The following OPRM1 variants were observed in gnomAD, a reference collection of about 807,000 sequenced individuals.
The protein encoded by OPRM1 is mu-type opioid receptor.
In OPRM1, 27 loss-of-function variants were observed where a neutral mutation model predicts 31.8. The ratio of observed to expected loss-of-function variants is 0.85; its 90% CI spans 0.63 to 1.17. The LOEUF is 1.17. Among genes scored for constraint, OPRM1 ranks in the 50% most tolerant of loss-of-function variants. OPRM1 has a pLI of 0.00. For synonymous variants in OPRM1, 196 were observed against 189.9 expected, an observed-to-expected ratio of 1.03 and a Z score of -0.26; for missense variants, 536 against 511.1, an observed-to-expected ratio of 1.05 and a Z score of -0.47.
At chr6:154,059,102 G>T (rs1783904827) in intron 1 of OPRM1, among the ~76,000 whole-genome samples, 1 of 152,136 alleles carries the variant, frequency 6.6e-6, no homozygotes, top group Admixed American at 6.5e-5. Flanking sequence ...TTACTTTCCA[G>T]AATTGTTCCC....
intron 3 of OPRM1, 100 bp from the exon 4 acceptor site, chr6:154,118,583 A>G: frequency 2.8e-6 from 3 of 1,058,182 alleles, no homozygotes; most frequent in Non-Finnish European, 4.3e-6. Context: ...GTATACATGA[A>G]GGTCTTCAAT....
At chr6:154,058,584 G>T (rs1425012100) in intron 1 of OPRM1, among the ~76,000 whole-genome samples, 1 of 151,934 alleles carries the variant, frequency 6.6e-6, no homozygotes, top group African/African-American at 2.4e-5. Context: ...GCTTAATCTG[G>T]GCTCATATTC....
At chr6:154,215,256 A>G (rs1278146357) in intron 3 of OPRM1, among the ~76,000 whole-genome samples, 1 of 151,884 alleles carries the variant, frequency 6.6e-6, no homozygotes, top group East Asian at 1.9e-4. Context: ...AGGAATCCTT[A>G]CGCAACCCTC....
chr6:154,115,929 G>A (rs1796829932), intron 3 of OPRM1, among the ~76,000 whole-genome samples: 1 of 152,214 alleles, frequency 6.6e-6, no homozygotes, highest in Admixed American at 6.5e-5. Flanking sequence ...CTCCTGTTTA[G>A]TAGGCATGCC....
At chr6:154,029,639 G>A (rs1311056826) in intron 1 of OPRM1, among the ~76,000 whole-genome samples, 1 of 152,146 alleles carries the variant, frequency 6.6e-6, no homozygotes, top group Non-Finnish European at 1.5e-5. Context: ...AACATATGTT[G>A]GATGATATGG....
In OPRM1 at chr6:154,119,470, T is replaced by C; in HGVS notation, c.*749T>C. 2 of 984,718 alleles carry C rather than the reference T, an allele frequency of 2.0e-6. No individual in the cohort carries two copies. Among genetic ancestry groups the C allele is most frequent in the Non-Finnish European group, 2.4e-6 (2 of 829,286 alleles). The allele number at this position is 984,718 out of a possible 1,614,324, so 61.0% of individuals were successfully genotyped here. On this transcript the variant is annotated 3_prime_UTR_variant, in exon 4 of 4. Transcript: ENST00000330432. ...CAGTGGTTTGTTCCTCAGTTTTAAA[T>C]GTGCAATTTTCTTGCTCCTATTTAA...
intron 1 of OPRM1, among the ~76,000 whole-genome samples, chr6:154,084,917 A>AACACACACACACAC (rs71669485): frequency 4.8e-5 from 7 of 146,398 alleles, no homozygotes; most frequent in African/African-American, 1.5e-4. Flanking sequence ...TGTGGAATTA[A>AACACACACACACAC]ACACACACAC....
intron 3 of OPRM1, among the ~76,000 whole-genome samples, chr6:154,175,571 G>T (rs1434387346): frequency 6.6e-6 from 1 of 152,046 alleles, no homozygotes; most frequent in Non-Finnish European, 1.5e-5. Context: ...AGAAAATCTA[G>T]AAGAAACTGA....
At chr6:154,054,720 A>T (rs1782895794) in intron 1 of OPRM1, among the ~76,000 whole-genome samples, 1 of 152,250 alleles carries the variant, frequency 6.6e-6, no homozygotes, top group Non-Finnish European at 1.5e-5. Context: ...GAGTAGGCAT[A>T]GTGGAGTAGA....
At chr6:154,228,033 G>C (rs1779403345) in intron 3 of OPRM1, among the ~76,000 whole-genome samples, 1 of 151,920 alleles carries the variant, frequency 6.6e-6, no homozygotes, top group Non-Finnish European at 1.5e-5. Flanking sequence ...GGCAAATCTT[G>C]AGAGAATGAC....
intron 3 of OPRM1, among the ~76,000 whole-genome samples, chr6:154,147,316 T>C (rs1583655517): frequency 6.6e-6 from 1 of 152,224 alleles, no homozygotes; most frequent in Admixed American, 6.5e-5. Context: ...GGAACTGTCA[T>C]GATTTCTGGA....
intron 3 of OPRM1, chr6:154,156,314 C>G (rs1297165210): frequency 6.6e-6 from 1 of 152,232 alleles, no homozygotes; most frequent in Non-Finnish European, 1.5e-5. Context: ...ATGCTAAGCC[C>G]AGTGCAATGA....
intron 1 of OPRM1, among the ~76,000 whole-genome samples, chr6:154,077,300 T>C (rs1788064105): frequency 6.6e-6 from 1 of 151,998 alleles, no homozygotes; most frequent in African/African-American, 2.4e-5. Context: ...GTTTTGTTTT[T>C]AGAGACAGAG....
At chr6:154,021,268 A>G (rs1240223313) in intron 1 of OPRM1, among the ~76,000 whole-genome samples, 1 of 152,158 alleles carries the variant, frequency 6.6e-6, no homozygotes, top group Non-Finnish European at 1.5e-5. Flanking sequence ...AGTTGATAGT[A>G]TTTATATGGA....
chr6:154,058,470 A>C (rs943268966), intron 1 of OPRM1, among the ~76,000 whole-genome samples: 3 of 152,230 alleles, frequency 2.0e-5, no homozygotes, highest in African/African-American at 7.2e-5. Flanking sequence ...TTTCAGAACA[A>C]TCACAGGTCA....
Position 154,058,314 on chromosome 6 carries a change from C to T in OPRM1, c.290+18480C>T, listed in dbSNP as rs933772993. On this transcript the variant is annotated intron_variant, in intron 1 of 3. Coordinates refer to ENST00000330432, the MANE Select transcript of OPRM1 (RefSeq NM_000914.5). ...GGTATAGCTCTCATGTTTTTATTCA[C>T]ACATTTGTTTGAAGTTAAGTTGATA... Among the ~76,000 whole-genome samples, 5 of 152,118 alleles carry T rather than the reference C, an allele frequency of 3.3e-5. No homozygotes were observed. In the South Asian group the frequency reaches 1.0e-3, roughly 32 times the overall value.
chr6:154,018,264 T>A (rs912085664), intron 1 of OPRM1, among the ~76,000 whole-genome samples: 5 of 151,926 alleles, frequency 3.3e-5, no homozygotes, highest in Admixed American at 2.0e-4. Context: ...TCTAAAAATA[T>A]AAAGAATTAG....
chr6:154,134,570 G>A (rs1798008620), downstream of OPRM1, among the ~76,000 whole-genome samples: 1 of 152,068 alleles, frequency 6.6e-6, no homozygotes, highest in Non-Finnish European at 1.5e-5. Flanking sequence ...AACCCACTTA[G>A]CACTGACAGT....
rs1218885367 is a variant in OPRM1, at chr6:154,129,852, G to GCGCA, written c.*11132_*11133insGCAC. The stretch of plus-strand genomic sequence containing the variant: ...TTACCACCGACACCCTCCCCCCCCA[G>GCGCA]CACACACACACACACACACACACAC... On this transcript the variant is annotated 3_prime_UTR_variant, in exon 4 of 4. Coordinates refer to ENST00000330432, the MANE Select transcript of OPRM1 (RefSeq NM_000914.5). 1.2e-4 allele frequency among the ~76,000 whole-genome samples: 16 copies of GCGCA among 131,566 alleles called. No homozygotes were observed. Among genetic ancestry groups the GCGCA allele is most frequent in the African/African-American group, 3.9e-4 (14 of 35,876 alleles). The allele number at this position is 131,566 out of a possible 152,430, so 86.3% of individuals were successfully genotyped here. A position where few individuals can be genotyped will look rare whatever the true frequency, so the allele number is the denominator to read the frequency against.
Sources: gnomAD v4.1 joint callset for allele counts (sites outside exome capture counted in the v4.1 genomes callset) on GRCh38, gnomAD v4.1.1 for gene constraint, MANE v1.5 for transcripts, NCBI Gene and HGNC (gene_info 2026-07-23, HGNC 2026-07-21) for gene names.